Variants in KIF13B observed in about 807,000 individuals in gnomAD.
KIF13B encodes the protein kinesin-like protein KIF13B.
A neutral mutation model predicts 222.0 loss-of-function variants in KIF13B; 127 were observed. The observed-to-expected ratio is 0.57, with a 90% CI of 0.50 to 0.66. The LOEUF is 0.66. Among genes scored for constraint, KIF13B ranks in the 30% least tolerant of loss-of-function variants. The pLI is 0.00. For synonymous variants in KIF13B, 976 were observed against 919.0 expected, an observed-to-expected ratio of 1.06 and a Z score of -1.12; for missense variants, 2,173 against 2,379.0, an observed-to-expected ratio of 0.91 and a Z score of 1.80.
At chr8:29,202,769 A>G (rs898787064) in intron 2 of KIF13B, among the ~76,000 whole-genome samples, 1 of 152,138 alleles carries the variant, frequency 6.6e-6, no homozygotes, top group Non-Finnish European at 1.5e-5. Flanking sequence ...CAATAAGAAA[A>G]GGAGCAGTGA....
At chr8:29,121,691 C>G (rs12716545) in intron 29 of KIF13B, among the ~76,000 whole-genome samples, 3 of 142,662 alleles carry the variant, frequency 2.1e-5, no homozygotes, top group Non-Finnish European at 4.6e-5. Flanking sequence ...GCAACAAAAG[C>G]CAAAATTGAC....
chr8:29,092,889 T>C lies in KIF13B; in HGVS notation c.4325-11A>G, dbSNP rs1370708572. ...CAAGGTTACTGAGTCCTGCCCATAT[T>C]ACAGGGGAAAAAGATAAAACAAATA... On this transcript the variant is annotated splice_polypyrimidine_tract_variant and intron_variant, in intron 36 of 39. Coordinates refer to ENST00000524189, the MANE Select transcript of KIF13B (RefSeq NM_015254.4). 1 of 1,597,126 alleles carries C rather than the reference T, an allele frequency of 6.3e-7. No individual in the cohort carries two copies. The highest frequency in any genetic ancestry group is 2.2e-5 in the East Asian group (1 of 44,490).
Position 29,167,264 on chromosome 8 carries a change from C to T in KIF13B, c.1158+109G>A, listed in dbSNP as rs1425567661. ...AAGTTCTCTTGCTGTAAGAAATTCG[C>T]AAATTTTAAGTAGAGTACTCATCCC... On this transcript the variant is annotated intron_variant, in intron 11 of 39. Coordinates refer to ENST00000524189, the MANE Select transcript of KIF13B (RefSeq NM_015254.4). The T allele has an allele frequency of 3.5e-6, 3 of 853,118 alleles. No individual in the cohort carries two copies. The South Asian group carries it at 5.2e-5, about 15-fold the overall frequency. The allele number at this position is 853,118 out of a possible 1,614,324, so 52.8% of individuals were successfully genotyped here.
chr8:29,224,488 G>T (rs1462024889), intron 2 of KIF13B, among the ~76,000 whole-genome samples: 1 of 152,180 alleles, frequency 6.6e-6, no homozygotes, highest in Admixed American at 6.5e-5. Flanking sequence ...AAAGATATTT[G>T]TAACAATGAG....
intron 1 of KIF13B, among the ~76,000 whole-genome samples, chr8:29,257,223 A>G (rs2117177104): frequency 6.6e-6 from 1 of 152,292 alleles, no homozygotes; most frequent in Non-Finnish European, 1.5e-5. Context: ...AGATATCTTT[A>G]TCTCCTCAGA....
At chr8:29,114,170 G>C (rs1008067806) in intron 31 of KIF13B, among the ~76,000 whole-genome samples, 2 of 152,172 alleles carry the variant, frequency 1.3e-5, no homozygotes, top group African/African-American at 2.4e-5. Flanking sequence ...GAGCAGGGAT[G>C]AGAGCAGAAT....
At position 29,132,484 on chromosome 8, in the gene KIF13B, T is replaced by C. The variant is rs1469466356; in HGVS notation, c.2785-19A>G. On this transcript the variant is annotated intron_variant, in intron 22 of 39. Coordinates refer to ENST00000524189, the MANE Select transcript of KIF13B (RefSeq NM_015254.4). The stretch of plus-strand genomic sequence containing the variant: ...AAAACTCCTGAAACACAACAGCTAA[T>C]TACAGAAGAGCAAACTCTTTCTGGT... 7.0e-7 allele frequency: 1 copy of C among 1,436,692 alleles called. No homozygotes were observed. The highest frequency in any genetic ancestry group is 2.4e-5 in the Admixed American group (1 of 41,582). The allele number at this position is 1,436,692 out of a possible 1,614,324, so 89.0% of individuals were successfully genotyped here.
At chr8:29,263,183 C>A, upstream of KIF13B, 1 of 657,692 alleles carries the variant, frequency 1.5e-6, no homozygotes, top group Non-Finnish European at 2.4e-6. Flanking sequence ...GGGCGCTCCC[C>A]GCTGTATGGC....
intron 10 of KIF13B, among the ~76,000 whole-genome samples, chr8:29,175,100 C>T (rs570337857): frequency 1.4e-4 from 21 of 151,752 alleles, no homozygotes; most frequent in Non-Finnish European, 2.5e-4. Context: ...AAACAGGGCA[C>T]ATAAAATTAT....
chr8:29,190,943 A>G, intron 4 of KIF13B, 54 bp downstream of exon 4: 1 of 1,411,646 alleles, frequency 7.1e-7, no homozygotes, highest in Non-Finnish European at 1.0e-6. Context: ...GGGAAAAAAT[A>G]CTGAACCCCT....
chr8:29,126,456 G>C (rs369859072), intron 26 of KIF13B, 26 bp downstream of exon 26: 2 of 1,462,900 alleles, frequency 1.4e-6, no homozygotes, highest in African/African-American at 1.4e-5. Context: ...GCTTATTTGA[G>C]ATGAGATTAA....
intron 1 of KIF13B, among the ~76,000 whole-genome samples, chr8:29,251,643 G>A (rs576021557): frequency 6.6e-6 from 1 of 152,292 alleles, no homozygotes; most frequent in South Asian, 2.1e-4. Context: ...ATTTAATGGA[G>A]ATGGAGTTTC....
chr8:29,147,308 T>C, intron 17 of KIF13B, 84 bp downstream of exon 17: 1 of 936,684 alleles, frequency 1.1e-6, no homozygotes, highest in Non-Finnish European at 1.6e-6. Flanking sequence ...ACCATCTTAA[T>C]GTTCCCATTT....
At chr8:29,096,891 GA>G (rs1291090952) in intron 36 of KIF13B, among the ~76,000 whole-genome samples, 1 of 152,068 alleles carries the variant, frequency 6.6e-6, no homozygotes, top group Non-Finnish European at 1.5e-5. Context: ...TAACCCAAAA[GA>G]AGGTAAATAA....
chr8:29,114,019 T>TA (rs1809480407), intron 31 of KIF13B, among the ~76,000 whole-genome samples: 1 of 152,200 alleles, frequency 6.6e-6, no homozygotes, highest in Admixed American at 6.5e-5. Flanking sequence ...AAGATCGTTA[T>TA]GAGGAATGAT....
intron 35 of KIF13B, among the ~76,000 whole-genome samples, chr8:29,103,115 G>A (rs965285660): frequency 6.6e-5 from 10 of 151,738 alleles, no homozygotes; most frequent in South Asian, 2.1e-4. Context: ...GGTGGCGGGC[G>A]CCTGTAGTCC....
chr8:29,092,933 C>A, intron 36 of KIF13B, 55 bp from the exon 37 acceptor site: 2 of 1,464,518 alleles, frequency 1.4e-6, no homozygotes, highest in Non-Finnish European at 1.8e-6. Flanking sequence ...TAGACATCTT[C>A]TTTCCTGTAC....
At chr8:29,250,088 T>A in intron 1 of KIF13B, 1 of 1,270,052 alleles carries the variant, frequency 7.9e-7, no homozygotes, top group Non-Finnish European at 1.0e-6. Context: ...GTCAAATCTG[T>A]ATCATACACA....
chr8:29,197,986 A>G (rs920447410), intron 2 of KIF13B, among the ~76,000 whole-genome samples: 1 of 152,242 alleles, frequency 6.6e-6, no homozygotes, highest in Non-Finnish European at 1.5e-5. Flanking sequence ...GAAACTGTAC[A>G]TGAAAATGTT....
Sources: gnomAD v4.1 joint callset for allele counts (sites outside exome capture counted in the v4.1 genomes callset) on GRCh38, gnomAD v4.1.1 for gene constraint, MANE v1.5 for transcripts, NCBI Gene and HGNC (gene_info 2026-07-23, HGNC 2026-07-21) for gene names.